Variants in ABLIM1 observed in about 807,000 individuals in gnomAD.
The protein encoded by ABLIM1 is actin-binding LIM protein 1.
In ABLIM1, 40 loss-of-function variants were observed where a neutral mutation model predicts 107.0. That is an observed-to-expected ratio of 0.37 (90% CI 0.29 to 0.49). The LOEUF (loss-of-function observed/expected upper bound fraction) is 0.49. Among genes scored for constraint, ABLIM1 ranks in the 20% least tolerant of loss-of-function variants. The pLI is 0.97. For missense variants in ABLIM1, 857 were observed against 1,008.5 expected, an observed-to-expected ratio of 0.85 and a Z score of 2.04; for synonymous variants, 357 against 357.3, an observed-to-expected ratio of 1.00 and a Z score of 0.01.
At chr10:114,800,055 T>C in the ABLIM1 span, among the ~76,000 whole-genome samples, 1 of 152,168 alleles carries the variant, frequency 6.6e-6, no homozygotes, top group Non-Finnish European at 1.5e-5. Context: ...AGATTACAGG[T>C]GTGAGTCACC....
intron 1 of ABLIM1, among the ~76,000 whole-genome samples, chr10:114,725,420 T>G (rs1004097402): frequency 6.6e-6 from 1 of 152,134 alleles, no homozygotes; most frequent in African/African-American, 2.4e-5. Flanking sequence ...TTCATATTTA[T>G]GAACAAGGAG....
rs137954668 is a variant in ABLIM1 at position 114,538,340 on chromosome 10, C to T, written c.894+6665G>A. The stretch of plus-strand genomic sequence containing the variant: ...GAGTTCAGCAGGAGGGGTCTAAAAG[C>T]GAGTCTAAATCCTGTCCTGCTGTCC... On this transcript the variant is annotated intron_variant, in intron 6 of 22. Coordinates refer to ENST00000533213, the MANE Select transcript of ABLIM1 (RefSeq NM_002313.7). 1.2e-3 allele frequency among the ~76,000 whole-genome samples: 180 copies of T among 152,280 alleles called. 1 individual carries two copies. The highest frequency in any genetic ancestry group is 1.9e-3 in the Admixed American group (29 of 15,284).
At chr10:114,505,086 T>C (rs1026998560) in intron 6 of ABLIM1, among the ~76,000 whole-genome samples, 1 of 152,180 alleles carries the variant, frequency 6.6e-6, no homozygotes, top group African/African-American at 2.4e-5. Flanking sequence ...AATGTGACAT[T>C]GAGCAGGCTA....
At chr10:114,673,267 A>C (rs76504479) in intron 1 of ABLIM1, among the ~76,000 whole-genome samples, 47 of 152,024 alleles carry the variant, frequency 3.1e-4, no homozygotes, top group African/African-American at 1.0e-3. Flanking sequence ...AAAAAAAAAA[A>C]AAACAAAAAA....
intron 1 of ABLIM1, among the ~76,000 whole-genome samples, chr10:114,697,714 A>G (rs2081225636): frequency 6.6e-6 from 1 of 151,858 alleles, no homozygotes; most frequent in South Asian, 2.1e-4. Flanking sequence ...CCATTAACTT[A>G]GATAGCCCTA....
intron 1 of ABLIM1, among the ~76,000 whole-genome samples, chr10:114,728,592 C>CAAAAAAAAA (rs11405856): frequency 8.0e-6 from 1 of 125,434 alleles, no homozygotes; most frequent in Non-Finnish European, 1.6e-5. Context: ...AATGGAGAGC[C>CAAAAAAAAA]AAAAAAAAAA....
chr10:114,589,784 G>T (rs2074654285), intron 2 of ABLIM1, among the ~76,000 whole-genome samples: 1 of 152,022 alleles, frequency 6.6e-6, no homozygotes, highest in Non-Finnish European at 1.5e-5. Context: ...TAAAAATAAG[G>T]TTTATAAAGT....
chr10:114,596,993 T>A (rs970323673), intron 2 of ABLIM1, among the ~76,000 whole-genome samples: 1 of 151,970 alleles, frequency 6.6e-6, no homozygotes, highest in African/African-American at 2.4e-5. Context: ...GGACTCGAGG[T>A]CACAGTCAGA....
intron 3 of ABLIM1, among the ~76,000 whole-genome samples, chr10:114,573,106 C>A (rs1248698325): frequency 6.6e-6 from 1 of 152,162 alleles, no homozygotes; most frequent in African/African-American, 2.4e-5. Context: ...TTGTAAATGG[C>A]CCTTTTCAGT....
intron 1 of ABLIM1, among the ~76,000 whole-genome samples, chr10:114,637,035 T>TAA (rs3061732): frequency 0.018 from 1,858 of 103,978 alleles, 22 homozygotes; most frequent in South Asian, 0.027. Flanking sequence ...GCTGTCTCTT[T>TAA]AAAAAAAAAA....
chr10:114,537,083 G>C (rs1045327189), intron 6 of ABLIM1, among the ~76,000 whole-genome samples: 1 of 152,152 alleles, frequency 6.6e-6, no homozygotes, highest in African/African-American at 2.4e-5. Flanking sequence ...CATCCACCAG[G>C]AATGGTAACT....
At chr10:114,740,230 G>A (rs1424197041) in intron 1 of ABLIM1, among the ~76,000 whole-genome samples, 2 of 151,936 alleles carry the variant, frequency 1.3e-5, no homozygotes, top group East Asian at 3.9e-4. Context: ...AAGATTTTAA[G>A]AGGACCCATA....
intron 6 of ABLIM1, among the ~76,000 whole-genome samples, chr10:114,518,327 G>A (rs901402306): frequency 6.6e-6 from 1 of 152,016 alleles, no homozygotes; most frequent in African/African-American, 2.4e-5. Context: ...AAAGTAATGT[G>A]AGCTTATTGT....
intron 2 of ABLIM1, among the ~76,000 whole-genome samples, chr10:114,588,472 T>C (rs1031219375): frequency 6.7e-6 from 1 of 148,904 alleles, no homozygotes; most frequent in African/African-American, 2.5e-5. Flanking sequence ...CTCCTTTTTT[T>C]CTTTTTCTTT....
intron 1 of ABLIM1, among the ~76,000 whole-genome samples, chr10:114,634,354 G>C (rs1045533274): frequency 6.6e-6 from 1 of 150,746 alleles, no homozygotes; most frequent in African/African-American, 2.4e-5. Flanking sequence ...GGATGGTCTC[G>C]ATCTCCTGAC....
chr10:114,732,198 TTTTG>T (rs2082090591), intron 1 of ABLIM1, among the ~76,000 whole-genome samples: 1 of 141,172 alleles, frequency 7.1e-6, no homozygotes. Context: ...TTTTTTTTTT[TTTTG>T]AGACAGAGTC....
intron 12 of ABLIM1, among the ~76,000 whole-genome samples, chr10:114,458,611 G>A (rs2063281555): frequency 6.6e-6 from 1 of 152,164 alleles, no homozygotes; most frequent in Admixed American, 6.6e-5. Flanking sequence ...AAGATTGCCG[G>A]TTCTTGTCTA....
chr10:114,727,376 A>G (rs988097051), intron 1 of ABLIM1, among the ~76,000 whole-genome samples: 1 of 152,216 alleles, frequency 6.6e-6, no homozygotes, highest in Non-Finnish European at 1.5e-5. Context: ...CAAATGCAAA[A>G]AAGTATTTCT....
chr10:114,546,658 G>A (rs2137595783), intron 5 of ABLIM1, among the ~76,000 whole-genome samples: 1 of 152,294 alleles, frequency 6.6e-6, no homozygotes, highest in Middle Eastern at 3.4e-3. Context: ...GATTTCTAGT[G>A]GGTGGGGCCC....
Sources: allele counts gnomAD v4.1 joint callset (sites outside exome capture counted in the v4.1 genomes callset), GRCh38; gene constraint gnomAD v4.1.1; transcripts MANE v1.5; gene names NCBI Gene and HGNC (gene_info 2026-07-23, HGNC 2026-07-21).